Variants in TMEM132D observed in about 807,000 individuals in gnomAD.
The protein encoded by TMEM132D is transmembrane protein 132D, also known as mature OL transmembrane protein.
Under a neutral mutation model 62.3 loss-of-function variants are expected in TMEM132D, and 21 were observed. That is an observed-to-expected ratio of 0.34 (90% CI 0.24 to 0.49). The LOEUF (loss-of-function observed/expected upper bound fraction) is 0.49, where lower values mean the gene tolerates loss of function less well. TMEM132D is among the 20% of genes least tolerant of loss of function. TMEM132D has a pLI of 0.99. For missense variants in TMEM132D, 1,346 were observed against 1,402.8 expected (o/e 0.96, Z 0.65); for synonymous variants, 621 against 575.6 (o/e 1.08, Z -1.13).
In TMEM132D at chr12:129,209,598, G is replaced by A. The variant is rs1878965105; in HGVS notation, c.1365C>T (p.Val455=). ...TCACTGTGCCGTCGTCCTCCACGGA[G>A]ACCACTTTCACCGGGACGGCCACCG... The part of the protein sequence containing the change: ...GKTVAVPVKV[V]SVEDDGTVTE... Residue 455 remains valine, a synonymous_variant, in exon 5 of 9, where the codon GTC becomes GTT. Coordinates refer to ENST00000422113, the MANE Select transcript of TMEM132D (RefSeq NM_133448.3). 2 of 1,614,222 alleles carry A rather than the reference G, an allele frequency of 1.2e-6. No individual in the cohort carries two copies. The highest frequency in any genetic ancestry group is 2.2e-5 in the East Asian group (1 of 44,878).
intron 2 of TMEM132D, among the ~76,000 whole-genome samples, chr12:129,570,299 C>T (rs751103421): frequency 6.6e-6 from 1 of 152,220 alleles, no homozygotes; most frequent in Admixed American, 6.5e-5. Context: ...GGTTCTCCTC[C>T]TGGTCCCAAG....
chr12:129,733,612 A>G (rs1042907581), intron 1 of TMEM132D, among the ~76,000 whole-genome samples: 2 of 151,800 alleles, frequency 1.3e-5, no homozygotes, highest in South Asian at 2.1e-4. Context: ...TTGTTTATGT[A>G]GCATTAGATA....
Position 129,505,654 on chromosome 12 carries a change from A to C in TMEM132D, c.1115+25405T>G, listed in dbSNP as rs549322192. ...CCCCACTATTATTGTGTTGCTGTCT[A>C]TCTCATTTATTAGGTCTAGTAGTAA... is the stretch of plus-strand genomic sequence containing the variant. On this transcript the variant is annotated intron_variant, in intron 3 of 8. Coordinates refer to ENST00000422113, the MANE Select transcript of TMEM132D (RefSeq NM_133448.3). Among the ~76,000 whole-genome samples the C allele has an allele frequency of 2.6e-5, 4 of 152,280 alleles. No homozygotes were observed. In the South Asian group the frequency reaches 8.3e-4, roughly 32 times the overall value.
At chr12:129,556,259 C>T (rs1048093173) in intron 2 of TMEM132D, among the ~76,000 whole-genome samples, 1 of 152,182 alleles carries the variant, frequency 6.6e-6, no homozygotes, top group Non-Finnish European at 1.5e-5. Flanking sequence ...CAGCAGCTGT[C>T]TGTGCACCAA....
At chr12:129,554,985 C>T (rs1025695252) in intron 2 of TMEM132D, among the ~76,000 whole-genome samples, 1 of 152,136 alleles carries the variant, frequency 6.6e-6, no homozygotes, top group Non-Finnish European at 1.5e-5. Flanking sequence ...TGGCCTAAAA[C>T]CTCCAGCCCT....
chr12:129,896,270 G>A (rs1013254723), intron 1 of TMEM132D, among the ~76,000 whole-genome samples: 2 of 152,064 alleles, frequency 1.3e-5, no homozygotes, highest in African/African-American at 4.8e-5. Context: ...TTACAGACAT[G>A]AGCCATCATG....
intron 4 of TMEM132D, among the ~76,000 whole-genome samples, chr12:129,265,254 T>C (rs1880655479): frequency 6.6e-6 from 1 of 152,044 alleles, no homozygotes; most frequent in South Asian, 2.1e-4. Context: ...GTTACTCCCA[T>C]CAGAACCATG....
intron 4 of TMEM132D, among the ~76,000 whole-genome samples, chr12:129,268,379 T>A (rs1349715410): frequency 1.3e-5 from 2 of 152,068 alleles, no homozygotes; most frequent in Non-Finnish European, 2.9e-5. Context: ...GCGAAGGACA[T>A]GAACAGACAC....
At chr12:129,721,602 C>A (rs915067651) in intron 1 of TMEM132D, among the ~76,000 whole-genome samples, 3 of 152,078 alleles carry the variant, frequency 2.0e-5, no homozygotes, top group African/African-American at 7.2e-5. Context: ...TCTCCCTGAG[C>A]CTTCCCGTTG....
At chr12:129,112,395 C>G (rs565394250) in intron 5 of TMEM132D, among the ~76,000 whole-genome samples, 1 of 152,296 alleles carries the variant, frequency 6.6e-6, no homozygotes, top group Non-Finnish European at 1.5e-5. Flanking sequence ...GGCACGGTGG[C>G]TCACGCCTGT....
At chr12:129,662,322 A>C (rs2137192653) in intron 2 of TMEM132D, among the ~76,000 whole-genome samples, 1 of 152,240 alleles carries the variant, frequency 6.6e-6, no homozygotes, top group South Asian at 2.1e-4. Context: ...CATGCCAGGA[A>C]CCTTCTATTA....
At chr12:129,453,708 T>C (rs1473059342) in intron 3 of TMEM132D, among the ~76,000 whole-genome samples, 4 of 152,174 alleles carry the variant, frequency 2.6e-5, no homozygotes, top group Non-Finnish European at 5.9e-5. Flanking sequence ...GGACTGAAGA[T>C]GTCTCTTCTT....
chr12:129,812,988 T>G (rs954749054), intron 1 of TMEM132D, among the ~76,000 whole-genome samples: 1 of 151,796 alleles, frequency 6.6e-6, no homozygotes, highest in Non-Finnish European at 1.5e-5. Context: ...CCACAACAAA[T>G]CTTATGCATT....
Position 129,078,652 on chromosome 12 carries a change from G to A in TMEM132D, c.1997C>T (p.Thr666Ile), listed in dbSNP as rs2135611364. Residue 666 changes from threonine (T) to isoleucine (I), a missense_variant, in exon 8 of 9, where the codon ACA becomes ATA. Transcript: ENST00000422113. The part of the protein sequence containing the change: ...ITVLDEKVTI[T>I]DLGVQLVTGL... ...TGTCACCAGCTGCACCCCGAGGTCTGTGATGGTCACCTTCTCGTCCAGCAC... is the reference window on the plus strand; with the variant it reads ...TGTCACCAGCTGCACCCCGAGGTCTATGATGGTCACCTTCTCGTCCAGCAC... 3 of 1,614,192 alleles carry A rather than the reference G, an allele frequency of 1.9e-6. No individual in the cohort carries two copies. Among genetic ancestry groups the A allele is most frequent in the Non-Finnish European group, 2.5e-6 (3 of 1,180,040 alleles).
In TMEM132D at chr12:129,539,956, G is replaced by A. The variant is rs543384419; in HGVS notation, c.969-8751C>T. Among the ~76,000 whole-genome samples the A allele has an allele frequency of 5.9e-5, 9 of 152,236 alleles. No homozygotes were observed. The South Asian group carries it at 8.3e-4, about 14-fold the overall frequency. On this transcript the variant is annotated intron_variant, in intron 2 of 8. Coordinates refer to ENST00000422113, the MANE Select transcript of TMEM132D (RefSeq NM_133448.3). ...ATGGCCCAGAGGGTGAGCCAAGCGT[G>A]GTGTCAAGTCTCCGGCCAGGCTGGC...
intron 2 of TMEM132D, among the ~76,000 whole-genome samples, chr12:129,676,708 C>T (rs1880640604): frequency 6.6e-6 from 1 of 152,164 alleles, no homozygotes; most frequent in South Asian, 2.1e-4. Flanking sequence ...CCCTCTAGGC[C>T]CCACCTCCAA....
chr12:129,442,349 T>C (rs2135721793), intron 3 of TMEM132D, among the ~76,000 whole-genome samples: 1 of 152,270 alleles, frequency 6.6e-6, no homozygotes, highest in Non-Finnish European at 1.5e-5. Flanking sequence ...TTAGTGCACT[T>C]GCTCTTGGGA....
At chr12:129,379,042 C>T (rs185006727) in intron 3 of TMEM132D, among the ~76,000 whole-genome samples, 28 of 152,162 alleles carry the variant, frequency 1.8e-4, no homozygotes, top group African/African-American at 5.8e-4. Context: ...CTTTAATGAA[C>T]CTGATTATGG....
Position 129,465,998 on chromosome 12 carries a change from T to G in TMEM132D, c.1115+65061A>C, listed in dbSNP as rs1873879405. On this transcript the variant is annotated intron_variant, in intron 3 of 8. Coordinates refer to ENST00000422113, the MANE Select transcript of TMEM132D (RefSeq NM_133448.3). ...GCACCTGGCCCTCATTTCCTCATTTTAAAGTGGAGACATTCATAATATCTA... is the reference window on the plus strand; with the variant it reads ...GCACCTGGCCCTCATTTCCTCATTTGAAAGTGGAGACATTCATAATATCTA... Among the ~76,000 whole-genome samples the G allele has an allele frequency of 3.3e-5, 5 of 152,208 alleles. No homozygotes were observed. In the South Asian group the frequency reaches 1.0e-3, roughly 32 times the overall value.
Sources: gnomAD v4.1 joint callset for allele counts (sites outside exome capture counted in the v4.1 genomes callset) on GRCh38, gnomAD v4.1.1 for gene constraint, MANE v1.5 for transcripts, NCBI Gene and HGNC (gene_info 2026-07-23, HGNC 2026-07-21) for gene names.